Variants in DOCK7 observed in about 807,000 individuals in gnomAD.
DOCK7 encodes dedicator of cytokinesis 7.
Under a neutral mutation model 271.0 loss-of-function variants are expected in DOCK7, and 138 were observed. That is an observed-to-expected ratio of 0.51 (90% CI 0.44 to 0.59). The LOEUF (loss-of-function observed/expected upper bound fraction) is 0.59. Ranked by LOEUF, DOCK7 falls within the 20% of genes least tolerant of loss-of-function variation. The pLI is 0.00. For synonymous variants in DOCK7, 823 were observed against 876.1 expected (o/e 0.94, Z 1.07); for missense variants, 2,066 against 2,592.4 (o/e 0.80, Z 4.41).
chr1:62,596,755 G>C (rs1339885655), intron 14 of DOCK7, among the ~76,000 whole-genome samples: 1 of 152,076 alleles, frequency 6.6e-6, no homozygotes, highest in Non-Finnish European at 1.5e-5. Flanking sequence ...TTGTGACATT[G>C]AAGGTATTTA....
At chr1:62,638,463 G>A (rs1451612049) in intron 7 of DOCK7, 1 of 150,262 alleles carries the variant, frequency 6.7e-6, no homozygotes, top group East Asian at 1.9e-4. Context: ...CTCTCTATCT[G>A]TAAAAAAAAT....
At chr1:62,461,695 A>ATAAAAT (rs1479868500) in intron 48 of DOCK7, among the ~76,000 whole-genome samples, 5 of 139,282 alleles carry the variant, frequency 3.6e-5, no homozygotes, top group African/African-American at 1.5e-4. Context: ...ATAAAATAAA[A>ATAAAAT]TAAAATAAAA....
At chr1:62,487,158 T>C (rs1325525452) in intron 43 of DOCK7, 1 of 350,374 alleles carries the variant, frequency 2.9e-6, no homozygotes, top group Non-Finnish European at 5.3e-6. Context: ...AAGTGGCTCA[T>C]TTACCAAAGA....
At chr1:62,595,506 A>G (rs1204832478) in intron 14 of DOCK7, among the ~76,000 whole-genome samples, 1 of 152,192 alleles carries the variant, frequency 6.6e-6, no homozygotes, top group East Asian at 1.9e-4. Flanking sequence ...AGGCAGTCTT[A>G]TTCCAGAATC....
At chr1:62,597,872 T>C (rs2149525897) in intron 14 of DOCK7, 1 of 1,590,926 alleles carries the variant, frequency 6.3e-7, no homozygotes, top group Non-Finnish European at 8.5e-7. Context: ...TGAGAAGAAC[T>C]ACATATAAAC....
chr1:62,505,753 T>C lies in DOCK7; in HGVS notation c.4540A>G (p.Ser1514Gly). Reference protein sequence around the residue: ...LGGVLKVLLHSMACNQSAVYL... With the variant: ...LGGVLKVLLHGMACNQSAVYL... ...ACTGCACTTTGGTTACAGGCCATGCTGTGTAGTAGCACTTTTAGCACTCCA... is the reference window on the plus strand; with the variant it reads ...ACTGCACTTTGGTTACAGGCCATGCCGTGTAGTAGCACTTTTAGCACTCCA... The change falls in exon 36 of 50, where the codon AGC becomes GGC. Residue 1514 changes from serine to glycine, a missense_variant. By Grantham distance (56) the Ser-to-Gly change is moderately conservative (BLOSUM62 0). Transcript: ENST00000635253. 1 of 1,613,780 alleles carries C rather than the reference T, an allele frequency of 6.2e-7. No homozygotes were observed. The highest frequency in any genetic ancestry group is 8.5e-7 in the Non-Finnish European group (1 of 1,179,812).
rs553559701 is a variant in DOCK7, at chr1:62,664,670, T to C, written c.39-1540A>G. Among the ~76,000 whole-genome samples, 5 of 152,082 alleles carry C rather than the reference T, an allele frequency of 3.3e-5. No homozygotes were observed. In the South Asian group the frequency reaches 1.0e-3, roughly 32 times the overall value. On this transcript the variant is annotated intron_variant, in intron 1 of 49. Transcript: ENST00000635253. ...ACAAATGTACCATACTAAAGCAAGA[T>C]GCTAACTGGAGAAATTTGGGAGAGA...
intron 31 of DOCK7, among the ~76,000 whole-genome samples, chr1:62,514,932 T>C (rs1418971441): frequency 6.6e-6 from 1 of 151,988 alleles, no homozygotes. Context: ...TAACTAAAAA[T>C]GAGGAAGAAG....
chr1:62,585,109 T>C (rs1557757815), intron 15 of DOCK7, among the ~76,000 whole-genome samples: 1 of 152,106 alleles, frequency 6.6e-6, no homozygotes, highest in Non-Finnish European at 1.5e-5. Flanking sequence ...AAATGTGAAT[T>C]CCAAATCTCA....
At chr1:62,487,219 A>G in intron 43 of DOCK7, 179 bp downstream of exon 43, 1 of 563,214 alleles carries the variant, frequency 1.8e-6, no homozygotes, top group South Asian at 2.7e-5. Flanking sequence ...CGACCTCATA[A>G]TAAGATATTT....
chr1:62,651,893 G>A (rs192783093), intron 4 of DOCK7, among the ~76,000 whole-genome samples: 48 of 152,186 alleles, frequency 3.2e-4, no homozygotes, highest in African/African-American at 1.1e-3. Context: ...CCCCACATCT[G>A]TCTTAAACTA....
chr1:62,474,069 TG>T lies in DOCK7; in HGVS notation c.6124del (p.Gln2042ArgfsTer35). On this transcript the variant is annotated frameshift_variant, in exon 48 of 50. Transcript: ENST00000635253. LOFTEE classifies it high-confidence loss of function. ...TVNQGPLEVA[Q>X]VFLSEIPSDP... ...ACTAGGTATTTCAGACAGAAAAACC[TG>T]GGCAACTTCCAAAGGCCCCTGCAAA... The T allele has an allele frequency of 6.2e-7, 1 of 1,613,896 alleles. No individual in the cohort carries two copies. The highest frequency in any genetic ancestry group is 8.5e-7 in the Non-Finnish European group (1 of 1,179,898).
At chr1:62,625,549 A>G (rs373870812) in intron 11 of DOCK7, 148 bp from the exon 12 acceptor site, 1 of 700,184 alleles carries the variant, frequency 1.4e-6, no homozygotes, top group South Asian at 2.3e-5. Flanking sequence ...TTTTGGAGAG[A>G]TTAGTAAGAA....
At position 62,540,014 on chromosome 1, in the gene DOCK7, A is replaced by G. The variant is rs528758184; in HGVS notation, c.3046-122T>C. 5 of 617,658 alleles carry G rather than the reference A, an allele frequency of 8.1e-6. No homozygotes were observed. In the South Asian group the frequency reaches 2.1e-4, roughly 27 times the overall value. The allele number at this position is 617,658 out of a possible 1,614,324, so 38.3% of individuals were successfully genotyped here. A position where few individuals can be genotyped will look rare whatever the true frequency, so the allele number is the denominator to read the frequency against. ...TTTAATAGATGACTGAAATATTTTTAGCTTCTCAAATATTTTTTAAAGTTC... is the reference window on the plus strand; with the variant it reads ...TTTAATAGATGACTGAAATATTTTTGGCTTCTCAAATATTTTTTAAAGTTC... On this transcript the variant is annotated intron_variant, in intron 25 of 49. Transcript: ENST00000635253.
chr1:62,481,808 T>G (rs956489267), intron 43 of DOCK7: 1 of 152,238 alleles, frequency 6.6e-6, no homozygotes, highest in African/African-American at 2.4e-5. Flanking sequence ...TTTGTTGTCT[T>G]TATTTAGCAA....
At chr1:62,628,093 G>A (rs1359431350) in intron 11 of DOCK7, 1 of 152,224 alleles carries the variant, frequency 6.6e-6, no homozygotes, top group Admixed American at 6.5e-5. Flanking sequence ...GATCGTTTCA[G>A]GATGATTAAA....
At chr1:62,460,152 T>C (rs1181546492) in intron 48 of DOCK7, among the ~76,000 whole-genome samples, 1 of 148,474 alleles carries the variant, frequency 6.7e-6, no homozygotes, top group Admixed American at 6.7e-5. Flanking sequence ...AAAAGAACTA[T>C]TCTTGAGGGG....
chr1:62,646,158 AAAAAAAAAAAC>A (rs1656629053), intron 7 of DOCK7, among the ~76,000 whole-genome samples: 2 of 148,496 alleles, frequency 1.3e-5, no homozygotes, highest in South Asian at 4.5e-4. Context: ...TCCGTCTCAA[AAAAAAAAAAAC>A]AAAAAAAAAA....
intron 14 of DOCK7, chr1:62,602,183 CCTTA>C: frequency 1.1e-6 from 1 of 939,374 alleles, no homozygotes; most frequent in East Asian, 2.5e-5. Context: ...TAATAAACTA[CCTTA>C]CAAAACCACC....
Sources: gnomAD v4.1 joint callset for allele counts (sites outside exome capture counted in the v4.1 genomes callset) on GRCh38, gnomAD v4.1.1 for gene constraint, MANE v1.5 for transcripts, NCBI Gene and HGNC (gene_info 2026-07-23, HGNC 2026-07-21) for gene names.